ZNF460: variants seen among roughly 807,000 people sequenced by gnomAD.
The protein encoded by ZNF460 is zinc finger protein 272.
Under a neutral mutation model 8.4 loss-of-function variants are expected in ZNF460, and 1 was observed. The observed-to-expected ratio is 0.12, with a 90% CI of 0.04 to 0.56. The LOEUF (loss-of-function observed/expected upper bound fraction) is 0.56, where lower values mean the gene tolerates loss of function less well. Among genes scored for constraint, ZNF460 ranks in the 20% least tolerant of loss-of-function variants. The pLI, the probability that ZNF460 is intolerant of heterozygous loss-of-function variation, is 0.91. For missense variants in ZNF460, 477 were observed against 714.8 expected (o/e 0.67, Z 3.79); for synonymous variants, 262 against 259.9 (o/e 1.01, Z -0.08).
intron 2 of ZNF460, among the ~76,000 whole-genome samples, chr19:57,285,565 T>G (rs974630572): frequency 6.6e-6 from 1 of 152,244 alleles, no homozygotes; most frequent in African/African-American, 2.4e-5. Context: ...ACTTAATTAA[T>G]TCAGTTTAAG....
chr19:57,281,556 A>ATTTTTTTTTTTTTTTTTTTTTTTTTTTTT (rs71293946), intron 1 of ZNF460, among the ~76,000 whole-genome samples: 2 of 85,042 alleles, frequency 2.4e-5, no homozygotes, highest in Non-Finnish European at 4.4e-5. Flanking sequence ...TAACCCTGAA[A>ATTTTTTTTTTTTTTTTTTTTTTTTTTTTT]TTTTTTTTTT....
intron 1 of ZNF460, chr19:57,282,071 CCTT>C (rs1479061951): frequency 6.6e-6 from 1 of 152,190 alleles, no homozygotes; most frequent in Non-Finnish European, 1.5e-5. Flanking sequence ...GATGAGGCCT[CCTT>C]CTAGCCAGTG....
At chr19:57,283,975 T>C (rs1401397598) in intron 1 of ZNF460, among the ~76,000 whole-genome samples, 3 of 152,036 alleles carry the variant, frequency 2.0e-5, no homozygotes, top group Non-Finnish European at 4.4e-5. Context: ...CACTTTACCA[T>C]GGCATGTAAA....
intron 2 of ZNF460, among the ~76,000 whole-genome samples, chr19:57,286,525 C>T (rs1476884313): frequency 2.6e-4 from 39 of 152,202 alleles, no homozygotes; most frequent in Admixed American, 2.6e-3. Context: ...CCAGATGCCT[C>T]TAATCCCAGC....
At position 57,292,318 on chromosome 19, in the gene ZNF460, A is replaced by G; in HGVS notation, c.*88A>G. 3.7e-6 allele frequency: 5 copies of G among 1,349,806 alleles called. No homozygotes were observed. Among genetic ancestry groups the G allele is most frequent in the Non-Finnish European group, 5.1e-6 (5 of 989,002 alleles). The allele number at this position is 1,349,806 out of a possible 1,614,324, so 83.6% of individuals were successfully genotyped here. A position where few individuals can be genotyped will look rare whatever the true frequency, so the allele number is the denominator to read the frequency against. On this transcript the variant is annotated 3_prime_UTR_variant, in exon 3 of 3. Coordinates refer to ENST00000360338, the MANE Select transcript of ZNF460 (RefSeq NM_006635.4). ...TAGTTTTTTAATATAACCACTGAAGAAAATCTGTGGTGAGAGGAAACATCT... is the reference window on the plus strand; with the variant it reads ...TAGTTTTTTAATATAACCACTGAAGGAAATCTGTGGTGAGAGGAAACATCT...
intron 2 of ZNF460, 105 bp downstream of exon 2, chr19:57,284,782 C>T: frequency 1.6e-6 from 2 of 1,263,066 alleles, no homozygotes; most frequent in Admixed American, 2.9e-5. Context: ...GTCTTGGGAG[C>T]CAGCCCTCCT....
chr19:57,292,039 G>C lies in ZNF460; in HGVS notation c.1498G>C (p.Ala500Pro). The change falls in exon 3 of 3, where the codon GCA (alanine) becomes CCA (proline). Residue 500 changes from alanine (A) to proline (P), a missense_variant. Coordinates refer to ENST00000360338, the MANE Select transcript of ZNF460 (RefSeq NM_006635.4). ...CACAAGGCACCAGCGGATTCACACT[G>C]CAGAGAAGTCCCACGAACCCATCCA... ...PLTRHQRIHTAEKSHEPIQSG... is the reference protein window; with the variant it reads ...PLTRHQRIHTPEKSHEPIQSG... The C allele has an allele frequency of 6.2e-7, 1 of 1,614,220 alleles. No homozygotes were observed.
At chr19:57,283,502 C>CTT (rs926242067) in intron 1 of ZNF460, among the ~76,000 whole-genome samples, 2,485 of 68,498 alleles carry the variant, frequency 0.036, 178 homozygotes, top group Non-Finnish European at 0.042. Flanking sequence ...TTTGACTATT[C>CTT]TTTTTTTTTT....
In ZNF460 at chr19:57,280,670, A is replaced by G; in HGVS notation, c.-137A>G. 1.5e-6 allele frequency: 2 copies of G among 1,306,826 alleles called. No homozygotes were observed. Among genetic ancestry groups the G allele is most frequent in the South Asian group, 1.4e-5 (1 of 72,864 alleles). 81.0% of individuals were successfully genotyped at this position (1,306,826 alleles called of 1,614,324 possible). ...CTCCGCAGCCGCCCTCCGTCTCCTC[A>G]GCCCCGACGCTGCGCCTTGGGCCTT... On this transcript the variant is annotated 5_prime_UTR_variant, in exon 1 of 3. Transcript: ENST00000360338.
intron 1 of ZNF460, among the ~76,000 whole-genome samples, chr19:57,283,929 C>T (rs967105125): frequency 6.6e-6 from 1 of 152,040 alleles, no homozygotes; most frequent in Non-Finnish European, 1.5e-5. Flanking sequence ...GGTTTTAAAC[C>T]TCAGGAGTCT....
At chr19:57,282,387 C>G (rs1402795844) in intron 1 of ZNF460, among the ~76,000 whole-genome samples, 1 of 152,148 alleles carries the variant, frequency 6.6e-6, no homozygotes, top group Non-Finnish European at 1.5e-5. Flanking sequence ...ATGGAATCTT[C>G]TGGCCTCAGG....
rs940591422 is a variant in ZNF460 at position 57,293,678 on chromosome 19, A to G, written c.*1448A>G. 1 of 152,178 alleles carries G rather than the reference A, an allele frequency of 6.6e-6. No individual in the cohort carries two copies. The highest frequency in any genetic ancestry group is 1.5e-5 in the Non-Finnish European group (1 of 68,028). The allele number at this position is 152,178 out of a possible 1,614,324, so 9.4% of individuals were successfully genotyped here. The stretch of plus-strand genomic sequence containing the variant: ...GAAAATATAAAATGTATTATTGCCA[A>G]TTGTACTCATTCTGCAGTGCCACAG... On this transcript the variant is annotated 3_prime_UTR_variant, in exon 3 of 3. Transcript: ENST00000360338.
chr19:57,286,102 G>A (rs1020674230), intron 2 of ZNF460, among the ~76,000 whole-genome samples: 2 of 152,286 alleles, frequency 1.3e-5, no homozygotes, highest in East Asian at 1.9e-4. Flanking sequence ...AAAGGCATAC[G>A]TTTGTTTCAT....
At chr19:57,283,388 T>TC (rs1237038663) in intron 1 of ZNF460, among the ~76,000 whole-genome samples, 2 of 151,766 alleles carry the variant, frequency 1.3e-5, no homozygotes, top group African/African-American at 4.8e-5. Flanking sequence ...CAGGATGGTC[T>TC]CAATTTCCTG....
rs150109429 is a variant in ZNF460, at chr19:57,282,087, C to G, written c.30+1251C>G. On this transcript the variant is annotated intron_variant, in intron 1 of 2. Transcript: ENST00000360338. ...ATGAGGCCTCCTTCTAGCCAGTGAT[C>G]TTGGGCATGAGGAGTCATGGCCTTT... The G allele has an allele frequency of 2.0e-5, 3 of 152,322 alleles. No homozygotes were observed. In the East Asian group the frequency reaches 5.8e-4, roughly 29 times the overall value. 9.4% of individuals were successfully genotyped at this position (152,322 alleles called of 1,614,324 possible). A position where few individuals can be genotyped will look rare whatever the true frequency, so the allele number is the denominator to read the frequency against.
intron 2 of ZNF460, among the ~76,000 whole-genome samples, chr19:57,286,328 T>C (rs1023390633): frequency 9.9e-5 from 15 of 152,200 alleles, no homozygotes; most frequent in Non-Finnish European, 2.2e-4. Flanking sequence ...TGTTTGATGT[T>C]ACTATTGTAA....
Position 57,292,506 on chromosome 19 carries a change from G to T in ZNF460, c.*276G>T. On this transcript the variant is annotated 3_prime_UTR_variant, in exon 3 of 3. Transcript: ENST00000360338. ...AATTCACCCATGAAAGAGACCCAGT[G>T]GTTACTGTGCACTTAGGAAAACCTT... 2.8e-6 allele frequency: 1 copy of T among 357,992 alleles called. No homozygotes were observed. Among genetic ancestry groups the T allele is most frequent in the East Asian group, 5.2e-5 (1 of 19,162 alleles). 22.2% of individuals were successfully genotyped at this position (357,992 alleles called of 1,614,324 possible).
At position 57,288,004 on chromosome 19, in the gene ZNF460, C is replaced by A. The variant is rs370332030; in HGVS notation, c.158-2695C>A. On this transcript the variant is annotated intron_variant, in intron 2 of 2. Coordinates refer to ENST00000360338, the MANE Select transcript of ZNF460 (RefSeq NM_006635.4). ...ACCCCATCTCAAAAAAACAAACAAA[C>A]AAAAAAAACCATCATTTCATTTTAC... Among the ~76,000 whole-genome samples, 870 of 150,832 alleles carry A rather than the reference C, an allele frequency of 5.8e-3. 9 individuals carry two copies. Among genetic ancestry groups the A allele is most frequent in the African/African-American group, 0.02 (829 of 40,578 alleles).
chr19:57,283,831 G>A (rs571732250), intron 1 of ZNF460, among the ~76,000 whole-genome samples: 3 of 152,164 alleles, frequency 2.0e-5, no homozygotes, highest in East Asian at 1.9e-4. Flanking sequence ...TGGGAAACAC[G>A]GTTATATTGA....
Sources: gnomAD v4.1 joint callset for allele counts (sites outside exome capture counted in the v4.1 genomes callset) on GRCh38, gnomAD v4.1.1 for gene constraint, MANE v1.5 for transcripts, NCBI Gene and HGNC (gene_info 2026-07-23, HGNC 2026-07-21) for gene names.